Variants in ADGRB2 observed in about 807,000 individuals in gnomAD.
The protein encoded by ADGRB2 is adhesion G protein-coupled receptor B2.
A neutral mutation model predicts 178.7 loss-of-function variants in ADGRB2; 47 were observed. The ratio of observed to expected loss-of-function variants is 0.26; its 90% CI spans 0.21 to 0.34. The LOEUF (loss-of-function observed/expected upper bound fraction) is 0.34. ADGRB2 is among the 10% of genes least tolerant of loss of function. The probability of loss-of-function intolerance (pLI) is 1.00; values close to 1 mark genes in which losing one functional copy is unlikely to be tolerated. For missense variants in ADGRB2, 1,584 were observed against 2,180.8 expected (o/e 0.73, Z 5.45); for synonymous variants, 870 against 912.4 (o/e 0.95, Z 0.84).
rs190973081 is a variant in ADGRB2 at position 31,736,819 on chromosome 1, C to T, written c.2980-96G>A. 333 of 1,490,228 alleles carry T rather than the reference C, an allele frequency of 2.2e-4. No homozygotes were observed. In the African/African-American group the frequency reaches 3.8e-3, roughly 17 times the overall value. The allele number at this position is 1,490,228 out of a possible 1,614,324, so 92.3% of individuals were successfully genotyped here. A position where few individuals can be genotyped will look rare whatever the true frequency, so the allele number is the denominator to read the frequency against. On this transcript the variant is annotated intron_variant, in intron 20 of 32. Transcript: ENST00000373658. ...GCCCGCTGCTGGGCGCTGCCACAGC[C>T]GCCCACCTGAGCCCCGCCCCCCACA... is the stretch of plus-strand genomic sequence containing the variant.
At chr1:31,730,285 G>C (rs1645211280) in intron 29 of ADGRB2, among the ~76,000 whole-genome samples, 1 of 152,168 alleles carries the variant, frequency 6.6e-6, no homozygotes, top group African/African-American at 2.4e-5. Context: ...CTGATTTCAG[G>C]GGTGCTAACA....
intron 4 of ADGRB2, among the ~76,000 whole-genome samples, chr1:31,752,596 G>A (rs1246016138): frequency 6.6e-6 from 1 of 152,218 alleles, no homozygotes; most frequent in African/African-American, 2.4e-5. Context: ...TTAGAAGGAT[G>A]CAGGAGTTCT....
In ADGRB2 at chr1:31,741,351, C is replaced by CA; in HGVS notation, c.1794+21dup. The CA allele has an allele frequency of 6.3e-7, 1 of 1,576,084 alleles. No individual in the cohort carries two copies. The highest frequency in any genetic ancestry group is 8.6e-7 in the Non-Finnish European group (1 of 1,158,254). ...GTCTGAGACAGATTCTGCTGTGCCC[C>CA]AGCCCAGCAGGGTGCACTCACTGAC... On this transcript the variant is annotated intron_variant, in intron 11 of 32. Coordinates refer to ENST00000373658, the MANE Select transcript of ADGRB2 (RefSeq NM_001364857.2). The surrounding 1 kb of genome is among the most constrained non-coding windows in gnomAD (Gnocchi z 6.5).
chr1:31,747,233 T>C (rs1421789805), intron 4 of ADGRB2, among the ~76,000 whole-genome samples: 1 of 152,148 alleles, frequency 6.6e-6, no homozygotes, highest in East Asian at 1.9e-4. Flanking sequence ...TCTATTTTCC[T>C]GCTGTTTCCC....
In ADGRB2 at chr1:31,728,059, G is replaced by A. The variant is rs1290203228; in HGVS notation, c.4538C>T (p.Ser1513Phe). The change falls in exon 32 of 33, where the codon TCC becomes TTC. Residue 1513 changes from serine (S) to phenylalanine (F), a missense_variant. Around this residue, in one of 3 missense-constraint regions of ADGRB2, gnomAD observed 865 missense variants for 1,192.8 expected, o/e 0.73. Coordinates refer to ENST00000373658, the MANE Select transcript of ADGRB2 (RefSeq NM_001364857.2). This position sits in a 1 kb window ranked among gnomAD's most constrained non-coding sequence, Gnocchi z 6.7. Reference protein sequence around the residue: ...TAKREKRWSVSSGGAAERSVC... With the variant: ...TAKREKRWSVFSGGAAERSVC... The stretch of plus-strand genomic sequence containing the variant: ...GCTCCGCTCGGCTGCCCCACCCGAG[G>A]ACACACTCCACCGCTTCTCCCTCTG... 6.3e-7 allele frequency: 1 copy of A among 1,598,208 alleles called. No homozygotes were observed. Among genetic ancestry groups the A allele is most frequent in the Non-Finnish European group, 8.5e-7 (1 of 1,174,638 alleles).
In ADGRB2 at chr1:31,736,623, C is replaced by T. The variant is rs2148922589; in HGVS notation, c.3080G>A (p.Gly1027Glu). 6.2e-7 allele frequency: 1 copy of T among 1,614,126 alleles called. No homozygotes were observed. The highest frequency in any genetic ancestry group is 8.5e-7 in the Non-Finnish European group (1 of 1,179,986). Residue 1027 changes from glycine to glutamate, a missense_variant, in exon 21 of 33, where the codon GGG becomes GAG. By Grantham distance (98) the Gly-to-Glu change is moderately conservative. Transcript: ENST00000373658. ...EAWQSYLAVI[G>E]RMRTRLVRKR... is the part of the protein sequence containing the mutation. ...GCGAACGAGGCGGGTGCGCATCCGC[C>T]CAATGACAGCCAGGTAGGACTGCCA...
chr1:31,733,346 T>C lies in ADGRB2; in HGVS notation c.3453-203A>G, dbSNP rs961511488. 6.6e-6 allele frequency among the ~76,000 whole-genome samples: 1 copy of C among 151,856 alleles called. No individual in the cohort carries two copies. Among genetic ancestry groups the C allele is most frequent in the African/African-American group, 2.4e-5 (1 of 41,290 alleles). On this transcript the variant is annotated intron_variant, in intron 25 of 32. Coordinates refer to ENST00000373658, the MANE Select transcript of ADGRB2 (RefSeq NM_001364857.2). This position sits in a 1 kb window ranked among gnomAD's most constrained non-coding sequence, Gnocchi z 4.3. ...AGAACAGAGACCGAAAGCAGCGAACTACGGGGTCAGAGCAGGGACCAGGAA... is the reference window on the plus strand; with the variant it reads ...AGAACAGAGACCGAAAGCAGCGAACCACGGGGTCAGAGCAGGGACCAGGAA...
Position 31,759,482 on chromosome 1 carries a change from A to G in ADGRB2, c.-190-1971T>C. The G allele has an allele frequency of 1.4e-6, 1 of 725,720 alleles. No homozygotes were observed. Among genetic ancestry groups the G allele is most frequent in the Non-Finnish European group, 2.6e-6 (1 of 388,718 alleles). 45.0% of individuals were successfully genotyped at this position (725,720 alleles called of 1,614,324 possible). A position where few individuals can be genotyped will look rare whatever the true frequency, so the allele number is the denominator to read the frequency against. On this transcript the variant is annotated intron_variant, in intron 1 of 32. Transcript: ENST00000373658. This position sits in a 1 kb window ranked among gnomAD's most constrained non-coding sequence, Gnocchi z 4.3. ...CAGCCCCGCCCCATCAAGAAGCACA[A>G]GGTCCACATCCTTCAGAGCCACAGG...
chr1:31,747,317 C>A (rs1217253835), intron 4 of ADGRB2, among the ~76,000 whole-genome samples: 5 of 152,078 alleles, frequency 3.3e-5, no homozygotes, highest in African/African-American at 1.2e-4. Flanking sequence ...CCCCTCTGAA[C>A]CAATGCTCCC....
At position 31,727,275 on chromosome 1, in the gene ADGRB2, C is replaced by T. The variant is rs1569670735; in HGVS notation, c.*145G>A. On this transcript the variant is annotated 3_prime_UTR_variant, in exon 33 of 33. Transcript: ENST00000373658. This position sits in a 1 kb window ranked among gnomAD's most constrained non-coding sequence, Gnocchi z 4.4. Reference sequence around the variant, plus strand: ...ACCCCAGGCCAAGCCATGTCCGGCTCCCCCAGCCTGGCTGAGTCCACGGCG... The same window carrying T: ...ACCCCAGGCCAAGCCATGTCCGGCTTCCCCAGCCTGGCTGAGTCCACGGCG... 1.9e-6 allele frequency: 2 copies of T among 1,032,058 alleles called. No individual in the cohort carries two copies. The highest frequency in any genetic ancestry group is 2.6e-6 in the Non-Finnish European group (2 of 755,376). 63.9% of individuals were successfully genotyped at this position (1,032,058 alleles called of 1,614,324 possible).
rs1645061718 is a variant in ADGRB2, at chr1:31,727,810, C to T, written c.4573-205G>A. 1.2e-6 allele frequency: 1 copy of T among 852,160 alleles called. No homozygotes were observed. The highest frequency in any genetic ancestry group is 1.8e-5 in the South Asian group (1 of 54,148). 52.8% of individuals were successfully genotyped at this position (852,160 alleles called of 1,614,324 possible). ...TCTCAGTGGCCCCCAGGACATGTCTCCTGCTGACCACTCTCCCTCCCAATC... is the reference window on the plus strand; with the variant it reads ...TCTCAGTGGCCCCCAGGACATGTCTTCTGCTGACCACTCTCCCTCCCAATC... On this transcript the variant is annotated intron_variant, in intron 32 of 32. Coordinates refer to ENST00000373658, the MANE Select transcript of ADGRB2 (RefSeq NM_001364857.2). The surrounding 1 kb of genome is among the most constrained non-coding windows in gnomAD (Gnocchi z 4.4).
chr1:31,760,577 A>T (rs1486209521), intron 1 of ADGRB2: 1 of 131,692 alleles, frequency 7.6e-6, no homozygotes, highest in African/African-American at 2.8e-5. Context: ...ACTCCCATTC[A>T]CGCTGGGTGG....
At position 31,756,398 on chromosome 1, in the gene ADGRB2, G is replaced by C. The variant is rs575928761; in HGVS notation, c.439C>G (p.Pro147Ala). The change falls in exon 4 of 33, where the codon CCC becomes GCC. Residue 147 changes from proline to alanine, a missense_variant. Physicochemically the swap from Pro to Ala is conservative, Grantham distance 27 (BLOSUM62 -1). Transcript: ENST00000373658. The surrounding 1 kb of genome is among the most constrained non-coding windows in gnomAD (Gnocchi z 8.5). ...AGLELCSGSGPFTFLHFDKNF... is the reference protein window; with the variant it reads ...AGLELCSGSGAFTFLHFDKNF... ...TTGTCGAAGTGCAGGAAGGTAAAGG[G>C]GCCTGAGCCGCTGCACAGCTCCAAC... 180 of 1,612,980 alleles carry C rather than the reference G, an allele frequency of 1.1e-4. 1 individual carries two copies. In the South Asian group the frequency reaches 1.7e-3, roughly 15 times the overall value.
chr1:31,757,408 G>A lies in ADGRB2; in HGVS notation c.-87C>T. ...TGCTTTACTGAGAGGGAGAGAAAGGGGCGGAGTTACAGCCAGTGTGCCAGG... is the reference window on the plus strand; with the variant it reads ...TGCTTTACTGAGAGGGAGAGAAAGGAGCGGAGTTACAGCCAGTGTGCCAGG... On this transcript the variant is annotated 5_prime_UTR_variant, in exon 2 of 33. Transcript: ENST00000373658. 1.3e-6 allele frequency: 1 copy of A among 781,112 alleles called. No homozygotes were observed. Among genetic ancestry groups the A allele is most frequent in the Non-Finnish European group, 2.1e-6 (1 of 473,824 alleles). 48.4% of individuals were successfully genotyped at this position (781,112 alleles called of 1,614,324 possible). A position where few individuals can be genotyped will look rare whatever the true frequency, so the allele number is the denominator to read the frequency against.
Position 31,731,400 on chromosome 1 carries a change from G to C in ADGRB2, c.3780C>G (p.Asn1260Lys). 1 of 1,604,830 alleles carries C rather than the reference G, an allele frequency of 6.2e-7. No individual in the cohort carries two copies. The highest frequency in any genetic ancestry group is 2.2e-5 in the East Asian group (1 of 44,830). Reference sequence around the variant, plus strand: ...CCGTGATGGTGGACGGGTTGCAAGTGTTGACCTCCTTGAACAGCACTGGGG... The same window carrying C: ...CCGTGATGGTGGACGGGTTGCAAGTCTTGACCTCCTTGAACAGCACTGGGG... ...ACQTVLFKEV[N>K]TCNPSTITGT... Residue 1260 changes from asparagine (N) to lysine (K), a missense_variant, in exon 29 of 33, where the codon AAC becomes AAG. Around this residue, in one of 3 missense-constraint regions of ADGRB2, gnomAD observed 865 missense variants for 1,192.8 expected, o/e 0.73. Transcript: ENST00000373658.
At position 31,732,130 on chromosome 1, in the gene ADGRB2, G is replaced by A; in HGVS notation, c.3745C>T (p.Leu1249=). ...ILSDFEKDVD[L]ACQTVLFKEV... ...GCACACTCACCTGTTTGACAAGCCA[G>A]ATCCACATCCTTTTCAAAGTCTGAC... Residue 1249 remains leucine (L), a synonymous_variant, in exon 28 of 33, where the codon CTG becomes TTG. Transcript: ENST00000373658. 6.2e-7 allele frequency: 1 copy of A among 1,614,098 alleles called. No individual in the cohort carries two copies. The highest frequency in any genetic ancestry group is 8.5e-7 in the Non-Finnish European group (1 of 1,179,984).
At position 31,759,940 on chromosome 1, in the gene ADGRB2, T is replaced by A. The variant is rs116745974; in HGVS notation, c.-190-2429A>T. 6.0e-3 allele frequency among the ~76,000 whole-genome samples: 907 copies of A among 152,262 alleles called. 17 individuals are homozygous for A. The highest frequency in any genetic ancestry group is 0.021 in the African/African-American group (873 of 41,538). On this transcript the variant is annotated intron_variant, in intron 1 of 32. Coordinates refer to ENST00000373658, the MANE Select transcript of ADGRB2 (RefSeq NM_001364857.2). The surrounding 1 kb of genome is among the most constrained non-coding windows in gnomAD (Gnocchi z 4.3). ...GCAATGCAGACCATGAGCCTTGCCC[T>A]GGGGATGGCAGACACCTCATCAGCC...
At chr1:31,730,226 C>T (rs2148881616) in intron 29 of ADGRB2, among the ~76,000 whole-genome samples, 1 of 152,322 alleles carries the variant, frequency 6.6e-6, no homozygotes, top group Non-Finnish European at 1.5e-5. Flanking sequence ...GTTTGCTTTT[C>T]TCCGGAAGAG....
At chr1:31,750,900 TCCC>T (rs1646533686) in intron 4 of ADGRB2, among the ~76,000 whole-genome samples, 1 of 151,390 alleles carries the variant, frequency 6.6e-6, no homozygotes, top group Non-Finnish European at 1.5e-5. Flanking sequence ...TAATTCTTCC[TCCC>T]CAGGCTGCTG....
Sources: allele counts gnomAD v4.1 joint callset (sites outside exome capture counted in the v4.1 genomes callset), GRCh38; gene constraint gnomAD v4.1.1; regional missense constraint gnomAD v4.1.1; non-coding constraint Gnocchi (gnomAD v3.1); transcripts MANE v1.5; gene names NCBI Gene and HGNC (gene_info 2026-07-23, HGNC 2026-07-21).